AGO2: variants seen among roughly 807,000 people sequenced by gnomAD.
The protein encoded by AGO2 is argonaute RISC catalytic component 2.
In AGO2, 5 loss-of-function variants were observed where a neutral mutation model predicts 102.3. The observed-to-expected ratio is 0.05, with a 90% confidence interval of 0.03 to 0.10. The LOEUF (loss-of-function observed/expected upper bound fraction) is 0.10, where lower values mean the gene tolerates loss of function less well. AGO2 is among the 10% of genes least tolerant of loss of function. The pLI, the probability that AGO2 is intolerant of heterozygous loss-of-function variation, is 1.00. For missense variants in AGO2, 541 were observed against 1,183.7 expected, an observed-to-expected ratio of 0.46 and a Z score of 7.97; for synonymous variants, 449 against 473.1, an observed-to-expected ratio of 0.95 and a Z score of 0.66.
At chr8:140,548,188 T>TGC (rs551141035) in intron 12 of AGO2, among the ~76,000 whole-genome samples, 11 of 152,110 alleles carry the variant, frequency 7.2e-5, no homozygotes, top group African/African-American at 2.7e-4. Context: ...TGGCAGTGTG[T>TGC]GCCTGTAATC....
At chr8:140,575,584 A>C (rs1272339508) in intron 2 of AGO2, among the ~76,000 whole-genome samples, 1 of 152,102 alleles carries the variant, frequency 6.6e-6, no homozygotes, top group East Asian at 1.9e-4. Flanking sequence ...TTCAAACCTG[A>C]CCTGAACAGA....
intron 1 of AGO2, among the ~76,000 whole-genome samples, chr8:140,614,487 CTCTATTTCAGAGAGG>C (rs1265796441): frequency 6.6e-6 from 1 of 152,216 alleles, no homozygotes; most frequent in Non-Finnish European, 1.5e-5. Context: ...ATGAAGTTTG[CTCTATTTCAGAGAGG>C]TCCCCTAAAA....
At chr8:140,563,277 C>A (rs2073231763) in intron 3 of AGO2, among the ~76,000 whole-genome samples, 1 of 152,230 alleles carries the variant, frequency 6.6e-6, no homozygotes, top group African/African-American at 2.4e-5. Flanking sequence ...GTGGCCCAGG[C>A]TGGAGTGCAG....
chr8:140,589,039 G>A lies in AGO2; in HGVS notation c.23-3728C>T, dbSNP rs959352619. Among the ~76,000 whole-genome samples, 17 of 152,364 alleles carry A rather than the reference G, an allele frequency of 1.1e-4. 1 individual carries two copies. Among genetic ancestry groups the A allele is most frequent in the Middle Eastern group, 3.4e-3 (1 of 294 alleles). ...AACAAAAAATTTCAGTATACACAGC[G>A]GACGTCAGCAGAGGTGGGCGGCAGG... On this transcript the variant is annotated intron_variant, in intron 1 of 18. Transcript: ENST00000220592. This position sits in a 1 kb window ranked among gnomAD's most constrained non-coding sequence, Gnocchi z 4.2.
chr8:140,585,433 T>A, intron 1 of AGO2, 122 bp from the exon 2 acceptor site: 1 of 1,103,660 alleles, frequency 9.1e-7, no homozygotes, highest in Non-Finnish European at 1.3e-6. Context: ...TCCAGGCCAA[T>A]ATTGCATTCC....
chr8:140,556,984 A>G, intron 8 of AGO2, 105 bp downstream of exon 8: 5 of 1,461,100 alleles, frequency 3.4e-6, no homozygotes, highest in Non-Finnish European at 4.6e-6. Flanking sequence ...AGGCAGTGCC[A>G]TTTGTATCTG....
rs193123331 is a variant in AGO2, at chr8:140,560,118, G to A, written c.655+256C>T. Among the ~76,000 whole-genome samples the A allele has an allele frequency of 5.9e-5, 9 of 152,196 alleles. No homozygotes were observed. The South Asian group carries it at 6.2e-4, about 10-fold the overall frequency. On this transcript the variant is annotated intron_variant, in intron 5 of 18. Transcript: ENST00000220592. ...AGGAGGCCAGCAGCAAGGAAGCCCC[G>A]GATCCTCAGGCCCGCCTCAGCCCCT...
chr8:140,549,667 A>C (rs2072963032), intron 11 of AGO2, among the ~76,000 whole-genome samples: 1 of 152,234 alleles, frequency 6.6e-6, no homozygotes, highest in African/African-American at 2.4e-5. Context: ...CAGCGCCTGG[A>C]GCTCTTGTGA....
chr8:140,555,536 CTG>C (rs2073079143), intron 10 of AGO2: 1 of 194,880 alleles, frequency 5.1e-6, no homozygotes, highest in Non-Finnish European at 1.0e-5. Flanking sequence ...GGACAAAAAA[CTG>C]TTACCAAACA....
At chr8:140,570,168 A>C (rs184964411) in intron 3 of AGO2, among the ~76,000 whole-genome samples, 1 of 152,340 alleles carries the variant, frequency 6.6e-6, no homozygotes, top group East Asian at 1.9e-4. Context: ...CCCCCATGCT[A>C]ACCGAACACA....
chr8:140,631,472 G>A (rs1266231622), intron 1 of AGO2, among the ~76,000 whole-genome samples: 2 of 151,578 alleles, frequency 1.3e-5, no homozygotes, highest in Non-Finnish European at 2.9e-5. Context: ...AGGAGGAGGA[G>A]GTTGCAGTGA....
chr8:140,587,076 G>T (rs2073671060), intron 1 of AGO2, among the ~76,000 whole-genome samples: 1 of 152,082 alleles, frequency 6.6e-6, no homozygotes, highest in South Asian at 2.1e-4. Context: ...CCCTCCACCG[G>T]GCCCCCAAGC....
chr8:140,590,190 T>C (rs1172354331), intron 1 of AGO2, among the ~76,000 whole-genome samples: 2 of 152,186 alleles, frequency 1.3e-5, no homozygotes, highest in Non-Finnish European at 2.9e-5. Flanking sequence ...TGTGCAGGGA[T>C]GGCTGGAGCT....
In AGO2 at chr8:140,634,454, G is replaced by C. The variant is rs1336297604; in HGVS notation, c.22+1031C>G. Among the ~76,000 whole-genome samples, 5 of 152,252 alleles carry C rather than the reference G, an allele frequency of 3.3e-5. No individual in the cohort carries two copies. The East Asian group carries it at 7.7e-4, about 23-fold the overall frequency. ...CCCGGCTGGGGCCCAGCGGACAAAG[G>C]GGAGCAGGCGGTGCCCCGTCCCAGC... On this transcript the variant is annotated intron_variant, in intron 1 of 18. Transcript: ENST00000220592.
At chr8:140,607,164 G>A (rs1440494495) in intron 1 of AGO2, among the ~76,000 whole-genome samples, 1 of 151,910 alleles carries the variant, frequency 6.6e-6, no homozygotes, top group South Asian at 2.1e-4. Context: ...CAGGAGAATC[G>A]CTTGAAGCCA....
At chr8:140,575,319 C>A (rs1438143435) in intron 2 of AGO2, among the ~76,000 whole-genome samples, 1 of 151,826 alleles carries the variant, frequency 6.6e-6, no homozygotes, top group Non-Finnish European at 1.5e-5. Context: ...TGGCACCTCC[C>A]TGGCAGCCAG....
chr8:140,576,791 C>A (rs534054411), intron 2 of AGO2, among the ~76,000 whole-genome samples: 1 of 152,308 alleles, frequency 6.6e-6, no homozygotes, highest in Non-Finnish European at 1.5e-5. Context: ...TATAACAGCT[C>A]CAGACTGGAA....
intron 13 of AGO2, 97 bp downstream of exon 13, chr8:140,547,371 G>C: frequency 6.8e-7 from 1 of 1,475,518 alleles, no homozygotes; most frequent in East Asian, 2.3e-5. Context: ...CAGGTGAAGG[G>C]ACCCTGCCCC....
chr8:140,556,409 T>A, intron 8 of AGO2, 123 bp from the exon 9 acceptor site: 1 of 1,276,844 alleles, frequency 7.8e-7, no homozygotes, highest in Non-Finnish European at 1.1e-6. Context: ...ATCCCTGGGC[T>A]ATGAAGTGCT....
Sources: gnomAD v4.1 joint callset for allele counts (sites outside exome capture counted in the v4.1 genomes callset) on GRCh38, gnomAD v4.1.1 for gene constraint, Gnocchi (gnomAD v3.1) non-coding constraint, MANE v1.5 for transcripts, NCBI Gene and HGNC (gene_info 2026-07-23, HGNC 2026-07-21) for gene names.